CSMD1: variants seen among roughly 807,000 people sequenced by gnomAD.
CSMD1 encodes the protein CUB and Sushi multiple domains 1.
Under a neutral mutation model 417.5 loss-of-function variants are expected in CSMD1, and 213 were observed. That is an observed-to-expected ratio of 0.51 (90% confidence interval 0.46 to 0.57). The LOEUF (loss-of-function observed/expected upper bound fraction) is 0.57, where lower values mean the gene tolerates loss of function less well. CSMD1 is among the 20% of genes least tolerant of loss of function. The pLI, the probability that CSMD1 is intolerant of heterozygous loss-of-function variation, is 0.00. For synonymous variants in CSMD1, 2,862 were observed against 1,736.8 expected, an observed-to-expected ratio of 1.65 and a Z score of -16.11; for missense variants, 6,923 against 4,529.7, an observed-to-expected ratio of 1.53 and a Z score of -15.17.
chr8:4,745,689 T>C (rs1341451803), intron 1 of CSMD1, among the ~76,000 whole-genome samples: 6 of 152,180 alleles, frequency 3.9e-5, no homozygotes. Context: ...CTTTCACAAT[T>C]CTTAGCTACT....
At chr8:3,823,368 A>G (rs987783217) in intron 5 of CSMD1, among the ~76,000 whole-genome samples, 4 of 152,184 alleles carry the variant, frequency 2.6e-5, no homozygotes, top group Non-Finnish European at 5.9e-5. Flanking sequence ...CGGTTGCATT[A>G]TTTAAAGGAA....
At chr8:4,622,459 C>T (rs1021481080) in intron 2 of CSMD1, among the ~76,000 whole-genome samples, 2 of 152,106 alleles carry the variant, frequency 1.3e-5, no homozygotes, top group African/African-American at 4.8e-5. Flanking sequence ...GGATACCCTG[C>T]ACAATGCTGA....
chr8:3,155,939 C>T (rs144222354), intron 39 of CSMD1, among the ~76,000 whole-genome samples: 44 of 152,234 alleles, frequency 2.9e-4, no homozygotes, highest in African/African-American at 1.0e-3. Flanking sequence ...GCATCCCATG[C>T]AAGGCAGTTA....
At chr8:3,610,600 C>T (rs954186819) in intron 8 of CSMD1, among the ~76,000 whole-genome samples, 3 of 152,190 alleles carry the variant, frequency 2.0e-5, no homozygotes, top group African/African-American at 7.2e-5. Flanking sequence ...CCCATGATCA[C>T]TACACAATCC....
intron 5 of CSMD1, among the ~76,000 whole-genome samples, chr8:3,873,906 T>G (rs1805645027): frequency 6.6e-6 from 1 of 152,150 alleles, no homozygotes; most frequent in Non-Finnish European, 1.5e-5. Context: ...AGGTCACTGA[T>G]CTTGGAGACA....
chr8:4,880,069 T>C (rs1369386429), intron 1 of CSMD1, among the ~76,000 whole-genome samples: 4 of 152,134 alleles, frequency 2.6e-5, no homozygotes, highest in Admixed American at 6.5e-5. Flanking sequence ...ACCTTTCTGC[T>C]GAACTTATTA....
intron 5 of CSMD1, among the ~76,000 whole-genome samples, chr8:3,820,676 A>G (rs1192917695): frequency 6.6e-6 from 1 of 152,036 alleles, no homozygotes; most frequent in East Asian, 1.9e-4. Flanking sequence ...CCCAGGTTTG[A>G]GCTATTCTCT....
chr8:4,159,508 T>C (rs991437371), intron 3 of CSMD1, among the ~76,000 whole-genome samples: 2 of 152,162 alleles, frequency 1.3e-5, no homozygotes, highest in African/African-American at 4.8e-5. Context: ...GAAACTGTGG[T>C]ATATATATGA....
chr8:3,678,457 T>C (rs1799492129), intron 7 of CSMD1, among the ~76,000 whole-genome samples: 1 of 151,912 alleles, frequency 6.6e-6, no homozygotes, highest in Non-Finnish European at 1.5e-5. Flanking sequence ...ATCAAATGAA[T>C]GAAATGAAGT....
At chr8:4,869,377 T>A (rs1488742314) in intron 1 of CSMD1, among the ~76,000 whole-genome samples, 1 of 152,064 alleles carries the variant, frequency 6.6e-6, no homozygotes, top group South Asian at 2.1e-4. Flanking sequence ...TGTATTTTAA[T>A]CACTCGAATT....
chr8:3,998,164 AC>A (rs1169637560), intron 4 of CSMD1, 54 bp from the exon 5 acceptor site: 1 of 1,460,450 alleles, frequency 6.8e-7, no homozygotes, highest in East Asian at 2.5e-5. Flanking sequence ...GTTTTCATAC[AC>A]GAGTGTGTCC....
intron 7 of CSMD1, among the ~76,000 whole-genome samples, chr8:3,671,090 A>G (rs1207892672): frequency 6.9e-6 from 1 of 145,298 alleles, no homozygotes; most frequent in Non-Finnish European, 1.5e-5. Context: ...CATATAAGGG[A>G]TATATATGTA....
intron 3 of CSMD1, among the ~76,000 whole-genome samples, chr8:4,074,931 G>A (rs557557390): frequency 1.3e-5 from 2 of 151,988 alleles, no homozygotes; most frequent in African/African-American, 4.8e-5. Flanking sequence ...ACCACACTTT[G>A]AATTTATTTA....
At chr8:4,440,893 A>T (rs1798429519) in intron 2 of CSMD1, among the ~76,000 whole-genome samples, 1 of 151,604 alleles carries the variant, frequency 6.6e-6, no homozygotes, top group Non-Finnish European at 1.5e-5. Flanking sequence ...GCTACTTGGG[A>T]GACTGAGGCA....
At chr8:2,967,078 G>C (rs1357848801) in intron 57 of CSMD1, among the ~76,000 whole-genome samples, 1 of 152,182 alleles carries the variant, frequency 6.6e-6, no homozygotes, top group Non-Finnish European at 1.5e-5. Context: ...TTTGGGGATT[G>C]AATGTTTTTA....
chr8:3,511,859 T>C (rs148175464), intron 10 of CSMD1, among the ~76,000 whole-genome samples: 276 of 150,890 alleles, frequency 1.8e-3, no homozygotes, highest in African/African-American at 6.6e-3. Context: ...ATAAATGTAA[T>C]ATGCAATTTA....
chr8:4,311,599 T>C (rs571432054), intron 3 of CSMD1, among the ~76,000 whole-genome samples: 2 of 151,804 alleles, frequency 1.3e-5, no homozygotes, highest in Admixed American at 6.6e-5. Flanking sequence ...TGTGGGCGCC[T>C]GTAGTCCCAG....
intron 3 of CSMD1, among the ~76,000 whole-genome samples, chr8:4,409,804 A>G (rs1796548905): frequency 6.6e-6 from 1 of 152,058 alleles, no homozygotes; most frequent in African/African-American, 2.4e-5. Flanking sequence ...AGAAATAACA[A>G]TACCGTACTT....
chr8:3,275,614 G>A (rs1470779471), intron 26 of CSMD1, among the ~76,000 whole-genome samples: 1 of 152,126 alleles, frequency 6.6e-6, no homozygotes, highest in African/African-American at 2.4e-5. Flanking sequence ...ATTTCTTGGA[G>A]GCTTTGCTCG....
Sources: gnomAD v4.1 joint callset for allele counts (sites outside exome capture counted in the v4.1 genomes callset) on GRCh38, gnomAD v4.1.1 for gene constraint, MANE v1.5 for transcripts, NCBI Gene and HGNC (gene_info 2026-07-23, HGNC 2026-07-21) for gene names.